Variants in TGFA observed in about 807,000 individuals in gnomAD.
TGFA encodes the protein protransforming growth factor alpha.
TGFA carries 12 observed loss-of-function variants against 21.7 expected under a neutral mutation model. The observed-to-expected ratio is 0.55, with a 90% confidence interval of 0.35 to 0.90. TGFA has a LOEUF of 0.90. Ranked by LOEUF, TGFA falls within the 40% of genes least tolerant of loss-of-function variation. The pLI is 0.01. For missense variants in TGFA, 178 were observed against 210.8 expected (o/e 0.84, Z 0.96); for synonymous variants, 79 against 88.1 (o/e 0.90, Z 0.58).
chr2:70,463,696 T>C (rs1670468707), intron 3 of TGFA, among the ~76,000 whole-genome samples: 1 of 152,172 alleles, frequency 6.6e-6, no homozygotes, highest in Non-Finnish European at 1.5e-5. Flanking sequence ...CCCTGTATGC[T>C]TGATTCTGGG....
rs1553499767 is a variant in TGFA, at chr2:70,504,461, T to TAC, written c.94+10397_94+10398insGT. Among the ~76,000 whole-genome samples, 13 of 65,168 alleles carry TAC rather than the reference T, an allele frequency of 2.0e-4. 1 individual carries two copies. The highest frequency in any genetic ancestry group is 3.2e-4 in the Non-Finnish European group (12 of 37,468). 42.8% of individuals were successfully genotyped at this position (65,168 alleles called of 152,430 possible). On this transcript the variant is annotated intron_variant, in intron 2 of 5. Coordinates refer to ENST00000295400, the MANE Select transcript of TGFA (RefSeq NM_003236.4). ...ATATATATATATATATATATATATA[T>TAC]ATACACACATACATACATACATACA...
intron 2 of TGFA, among the ~76,000 whole-genome samples, chr2:70,498,490 A>G (rs1001135833): frequency 1.3e-5 from 2 of 152,210 alleles, no homozygotes; most frequent in Admixed American, 6.5e-5. Context: ...GTTTTGGAAC[A>G]GGCTGGAGAG....
chr2:70,473,183 G>A (rs76618761), intron 2 of TGFA, among the ~76,000 whole-genome samples: 8 of 152,138 alleles, frequency 5.3e-5, no homozygotes, highest in Non-Finnish European at 1.2e-4. Flanking sequence ...AGCAGGCCCA[G>A]TTTACAAGGG....
intron 2 of TGFA, among the ~76,000 whole-genome samples, chr2:70,487,764 C>T (rs1371855929): frequency 5.3e-5 from 8 of 152,224 alleles, no homozygotes; most frequent in Non-Finnish European, 5.9e-5. Flanking sequence ...CAATATCTCA[C>T]TATTATGAAA....
At chr2:70,489,768 G>A (rs571351846) in intron 2 of TGFA, among the ~76,000 whole-genome samples, 5 of 152,152 alleles carry the variant, frequency 3.3e-5, no homozygotes, top group African/African-American at 7.2e-5. Context: ...TTCAAAATGT[G>A]GTCCACAGAC....
intron 2 of TGFA, among the ~76,000 whole-genome samples, chr2:70,474,844 T>G (rs1277924908): frequency 6.6e-6 from 1 of 152,234 alleles, no homozygotes; most frequent in Non-Finnish European, 1.5e-5. Flanking sequence ...CATTTCTCCC[T>G]TTGGGAAAAA....
rs781806808 is a variant in TGFA, at chr2:70,553,417, G to A, written c.40+311C>T. On this transcript the variant is annotated intron_variant, in intron 1 of 5. Transcript: ENST00000295400. ...GGTAAGCAGGTAGGTGTAGGCATGT[G>A]TCTGAGCAGACACACAGCTGCGGCG... 325 of 1,433,830 alleles carry A rather than the reference G, an allele frequency of 2.3e-4. 1 individual carries two copies. Among genetic ancestry groups the A allele is most frequent in the Non-Finnish European group, 2.8e-4 (312 of 1,100,038 alleles). 88.8% of individuals were successfully genotyped at this position (1,433,830 alleles called of 1,614,324 possible).
At chr2:70,480,826 C>G (rs1399957631) in intron 2 of TGFA, among the ~76,000 whole-genome samples, 1 of 150,566 alleles carries the variant, frequency 6.6e-6, no homozygotes, top group Non-Finnish European at 1.5e-5. Flanking sequence ...CTCCCTCTCT[C>G]CAAGGTGTGC....
At chr2:70,491,528 A>T (rs1553497633) in intron 2 of TGFA, among the ~76,000 whole-genome samples, 1 of 152,122 alleles carries the variant, frequency 6.6e-6, no homozygotes, top group African/African-American at 2.4e-5. Flanking sequence ...CCTATATGAA[A>T]CTTGGTTTTT....
chr2:70,448,406 C>T lies in TGFA; in HGVS notation c.*2453G>A, dbSNP rs1269621721. On this transcript the variant is annotated 3_prime_UTR_variant, in exon 6 of 6. Transcript: ENST00000295400. Reference sequence around the variant, plus strand: ...CACTGCCAGGTGTGTGGCAGCTTACCAGGTCAGGATGTTAAATGATTCTCT... The same window carrying T: ...CACTGCCAGGTGTGTGGCAGCTTACTAGGTCAGGATGTTAAATGATTCTCT... 1 of 152,150 alleles carries T rather than the reference C, an allele frequency of 6.6e-6. No homozygotes were observed. Among genetic ancestry groups the T allele is most frequent in the African/African-American group, 2.4e-5 (1 of 41,430 alleles). 9.4% of individuals were successfully genotyped at this position (152,150 alleles called of 1,614,324 possible).
intron 1 of TGFA, among the ~76,000 whole-genome samples, chr2:70,523,142 A>G (rs1219462347): frequency 6.6e-6 from 1 of 152,188 alleles, no homozygotes; most frequent in Non-Finnish European, 1.5e-5. Context: ...TGGATCCTGC[A>G]TTGTTTGGTC....
intron 1 of TGFA, among the ~76,000 whole-genome samples, chr2:70,537,733 G>A (rs1673014978): frequency 6.6e-6 from 1 of 152,244 alleles, no homozygotes; most frequent in South Asian, 2.1e-4. Context: ...GGTTCAAGAG[G>A]TTTAAGGAAA....
At chr2:70,505,473 A>G (rs184957742) in intron 2 of TGFA, among the ~76,000 whole-genome samples, 57 of 152,224 alleles carry the variant, frequency 3.7e-4, no homozygotes, top group African/African-American at 1.3e-3. Context: ...TCTATTTTTC[A>G]TATCTAAGAG....
chr2:70,535,820 C>A (rs557893621), intron 1 of TGFA, among the ~76,000 whole-genome samples: 1 of 152,300 alleles, frequency 6.6e-6, no homozygotes, highest in South Asian at 2.1e-4. Flanking sequence ...AAATCCCTAA[C>A]TTTGAAGTGG....
Position 70,507,368 on chromosome 2 carries a change from A to G in TGFA, c.94+7491T>C, listed in dbSNP as rs151194625. Among the ~76,000 whole-genome samples the G allele has an allele frequency of 6.3e-4, 96 of 152,328 alleles. 1 individual carries two copies. The highest frequency in any genetic ancestry group is 2.0e-3 in the African/African-American group (84 of 41,562). ...TTAATGTGAACACTATATGCCCTGT[A>G]TTTTTGCATCTGTGTATATAGTTTA... On this transcript the variant is annotated intron_variant, in intron 2 of 5. Transcript: ENST00000295400.
intron 5 of TGFA, among the ~76,000 whole-genome samples, chr2:70,452,002 CTA>C (rs1196846021): frequency 2.0e-5 from 3 of 152,228 alleles, no homozygotes; most frequent in African/African-American, 7.2e-5. Context: ...TGCACGATGA[CTA>C]TGGTTATTGA....
chr2:70,488,001 A>G (rs571772613), intron 2 of TGFA, among the ~76,000 whole-genome samples: 3 of 152,260 alleles, frequency 2.0e-5, no homozygotes, highest in African/African-American at 7.2e-5. Context: ...CCTTCTCGTC[A>G]ATTTCGTGGC....
chr2:70,552,931 G>T (rs1350272727), intron 1 of TGFA, among the ~76,000 whole-genome samples: 2 of 152,232 alleles, frequency 1.3e-5, no homozygotes, highest in Admixed American at 1.3e-4. Context: ...GCGGCGCTGC[G>T]CCCTCACCGC....
At chr2:70,494,572 G>T (rs1000558544) in intron 2 of TGFA, among the ~76,000 whole-genome samples, 1 of 152,124 alleles carries the variant, frequency 6.6e-6, no homozygotes, top group South Asian at 2.1e-4. Context: ...TCAGCCTTAT[G>T]ATAAGTATTA....
Sources: gnomAD v4.1 joint callset for allele counts (sites outside exome capture counted in the v4.1 genomes callset) on GRCh38, gnomAD v4.1.1 for gene constraint, MANE v1.5 for transcripts, NCBI Gene and HGNC (gene_info 2026-07-23, HGNC 2026-07-21) for gene names.